Variants in EIF2AK3 observed in about 807,000 individuals in gnomAD.
EIF2AK3 encodes eukaryotic translation initiation factor 2-alpha kinase 3.
Under a neutral mutation model 113.5 loss-of-function variants are expected in EIF2AK3, and 50 were observed. The ratio of observed to expected loss-of-function variants is 0.44; its 90% confidence interval spans 0.35 to 0.56. EIF2AK3 has a LOEUF of 0.56. Ranked by LOEUF, EIF2AK3 falls within the 20% of genes least tolerant of loss-of-function variation. The pLI, the probability that EIF2AK3 is intolerant of heterozygous loss-of-function variation, is 0.00. For synonymous variants in EIF2AK3, 448 were observed against 495.4 expected (o/e 0.90, Z 1.27); for missense variants, 1,185 against 1,378.0 (o/e 0.86, Z 2.22).
chr2:88,565,460 G>T (rs1472187858), intron 14 of EIF2AK3, among the ~76,000 whole-genome samples: 2 of 151,220 alleles, frequency 1.3e-5, no homozygotes, highest in African/African-American at 2.4e-5. Flanking sequence ...TTCTACTTCA[G>T]TCTCTCAAGT....
At chr2:88,627,570 A>G (rs899706009), upstream of EIF2AK3, 38 of 349,750 alleles carry the variant, frequency 1.1e-4, no homozygotes, top group Middle Eastern at 7.5e-4. Context: ...GGGAAGGTGG[A>G]CTTTCCCTGG....
At position 88,588,817 on chromosome 2, in the gene EIF2AK3, A is replaced by G. The variant is rs754599917; in HGVS notation, c.1250T>C (p.Val417Ala). ...AGGAATAATTGCGTTTTCATTAGTG[A>G]CAGATTCCAAAGCCTTGGGACTTGA... The part of the protein sequence containing the change: ...FPSSPKALES[V>A]TNENAIIPLP... The change falls in exon 7 of 17, where the codon GTC (valine) becomes GCC (alanine). Residue 417 changes from valine (V) to alanine (A), a missense_variant. Transcript: ENST00000303236. The G allele has an allele frequency of 6.2e-7, 1 of 1,613,858 alleles. No individual in the cohort carries two copies. Among genetic ancestry groups the G allele is most frequent in the Non-Finnish European group, 8.5e-7 (1 of 1,179,852 alleles).
intron 3 of EIF2AK3, chr2:88,593,892 A>C: frequency 2.0e-6 from 2 of 997,324 alleles, no homozygotes; most frequent in Non-Finnish European, 2.4e-6. Context: ...ATCCAAACTA[A>C]AATCCTCACG....
chr2:88,578,856 G>GT (rs999634903), intron 11 of EIF2AK3, among the ~76,000 whole-genome samples: 8 of 151,680 alleles, frequency 5.3e-5, no homozygotes, highest in Admixed American at 1.3e-4. Context: ...TACTGCAAAG[G>GT]TTTTTTTTAT....
At position 88,557,583 on chromosome 2, in the gene EIF2AK3, C is replaced by G; in HGVS notation, c.*153G>C. 1.2e-6 allele frequency: 1 copy of G among 816,808 alleles called. No homozygotes were observed. The highest frequency in any genetic ancestry group is 2.1e-6 in the Non-Finnish European group (1 of 486,992). The allele number at this position is 816,808 out of a possible 1,614,324, so 50.6% of individuals were successfully genotyped here. A position where few individuals can be genotyped will look rare whatever the true frequency, so the allele number is the denominator to read the frequency against. ...GAGTTGGCTCAAATTAGGTTATGCC[C>G]CCAAATCCAGCTTAAATTTGATATA... On this transcript the variant is annotated 3_prime_UTR_variant, in exon 17 of 17. Coordinates refer to ENST00000303236, the MANE Select transcript of EIF2AK3 (RefSeq NM_004836.7).
intron 2 of EIF2AK3, among the ~76,000 whole-genome samples, chr2:88,603,259 GTTTCCTTAT>G (rs1209521610): frequency 6.6e-6 from 1 of 152,152 alleles, no homozygotes; most frequent in Non-Finnish European, 1.5e-5. Context: ...AATGTCTCAC[GTTTCCTTAT>G]TTCACTTGAT....
At chr2:88,576,484 T>C in intron 12 of EIF2AK3, 70 bp downstream of exon 12, 1 of 1,598,174 alleles carries the variant, frequency 6.3e-7, no homozygotes, top group East Asian at 2.2e-5. Context: ...ATCCCTAAAG[T>C]TATAAAACTG....
At chr2:88,619,000 CTTT>C (rs749982072) in intron 1 of EIF2AK3, among the ~76,000 whole-genome samples, 1 of 140,662 alleles carries the variant, frequency 7.1e-6, no homozygotes. Flanking sequence ...ATCTATCATT[CTTT>C]TTTTTTTTTT....
At chr2:88,565,778 T>C (rs1248376061) in intron 14 of EIF2AK3, among the ~76,000 whole-genome samples, 1 of 152,242 alleles carries the variant, frequency 6.6e-6, no homozygotes, top group African/African-American at 2.4e-5. Context: ...TTCTAGTCTT[T>C]TTTCCTATAG....
chr2:88,594,163 G>C (rs565958099), intron 3 of EIF2AK3: 1 of 152,526 alleles, frequency 6.6e-6, no homozygotes, highest in Non-Finnish European at 1.5e-5. Context: ...AATTGTTAAA[G>C]TTGAAAAATG....
chr2:88,625,235 C>G (rs1675829209), intron 1 of EIF2AK3, among the ~76,000 whole-genome samples: 1 of 148,936 alleles, frequency 6.7e-6, no homozygotes, highest in Non-Finnish European at 1.5e-5. Flanking sequence ...CTATCCTCAT[C>G]TACTTCTCCC....
intron 13 of EIF2AK3, chr2:88,574,420 C>T (rs1307545608): frequency 1.3e-5 from 7 of 558,840 alleles, no homozygotes; most frequent in African/African-American, 5.7e-5. Context: ...CTGAGAATAC[C>T]TTTTACAGTA....
chr2:88,570,886 C>A lies in EIF2AK3; in HGVS notation c.2973G>T (p.Met991Ile). 6.2e-7 allele frequency: 1 copy of A among 1,614,148 alleles called. No homozygotes were observed. Among genetic ancestry groups the A allele is most frequent in the African/African-American group, 1.3e-5 (1 of 75,024 alleles). ...HTGQVGTKLY[M>I]SPEQIHGNSY... is the part of the protein sequence containing the mutation. ...CTGAAAAACTCACCTGCTCTGGGCT[C>A]ATATACAGTTTGGTCCCTACTTGTC... The change falls in exon 14 of 17, where the codon ATG (methionine) becomes ATT (isoleucine). Residue 991 changes from methionine to isoleucine, a missense_variant. Met to Ile is a conservative substitution (Grantham distance 10, BLOSUM62 1). Around this residue, in one of 3 missense-constraint regions of EIF2AK3, gnomAD observed 877 missense variants for 1,024.2 expected, o/e 0.86. Coordinates refer to ENST00000303236, the MANE Select transcript of EIF2AK3 (RefSeq NM_004836.7).
At chr2:88,593,993 G>C in intron 3 of EIF2AK3, 1 of 973,460 alleles carries the variant, frequency 1.0e-6, no homozygotes, top group Admixed American at 6.1e-5. Flanking sequence ...GTTTACAGAT[G>C]AGACTACCGA....
At chr2:88,569,953 ATG>A (rs1674248894) in intron 14 of EIF2AK3, among the ~76,000 whole-genome samples, 1 of 152,204 alleles carries the variant, frequency 6.6e-6, no homozygotes, top group African/African-American at 2.4e-5. Context: ...AGATAGAAGA[ATG>A]TAGCACTTTT....
intron 2 of EIF2AK3, among the ~76,000 whole-genome samples, chr2:88,607,206 C>T (rs746799659): frequency 7.9e-5 from 12 of 152,048 alleles, no homozygotes; most frequent in Admixed American, 2.6e-4. Context: ...AAAGAAAAAA[C>T]GATGCTCATG....
chr2:88,603,258 C>T (rs1483837666), intron 2 of EIF2AK3, among the ~76,000 whole-genome samples: 1 of 152,196 alleles, frequency 6.6e-6, no homozygotes, highest in Non-Finnish European at 1.5e-5. Context: ...AAATGTCTCA[C>T]GTTTCCTTAT....
At chr2:88,619,238 G>A (rs534053815) in intron 1 of EIF2AK3, among the ~76,000 whole-genome samples, 24 of 152,136 alleles carry the variant, frequency 1.6e-4, no homozygotes, top group African/African-American at 4.1e-4. Context: ...TGATCTGCCC[G>A]CTTCAGCCTC....
intron 1 of EIF2AK3, among the ~76,000 whole-genome samples, chr2:88,621,148 G>T (rs1373400861): frequency 3.3e-5 from 5 of 152,152 alleles, no homozygotes; most frequent in Non-Finnish European, 7.4e-5. Flanking sequence ...ATTCCTCTCA[G>T]AAATCTCATA....
Sources: allele counts gnomAD v4.1 joint callset (sites outside exome capture counted in the v4.1 genomes callset), GRCh38; gene constraint gnomAD v4.1.1; regional missense constraint gnomAD v4.1.1; transcripts MANE v1.5; gene names NCBI Gene and HGNC (gene_info 2026-07-23, HGNC 2026-07-21).